KIAA1217: variants seen among roughly 807,000 people sequenced by gnomAD.
The protein encoded by KIAA1217 is KIAA1217.
In KIAA1217, 88 loss-of-function variants were observed where a neutral mutation model predicts 163.9. The ratio of observed to expected loss-of-function variants is 0.54; its 90% confidence interval spans 0.45 to 0.64. KIAA1217 has a LOEUF of 0.64. Among genes scored for constraint, KIAA1217 ranks in the 30% least tolerant of loss-of-function variants. KIAA1217 has a pLI of 0.00. For synonymous variants in KIAA1217, 903 were observed against 923.1 expected, an observed-to-expected ratio of 0.98 and a Z score of 0.39; for missense variants, 2,372 against 2,475.0, an observed-to-expected ratio of 0.96 and a Z score of 0.88.
intron 2 of KIAA1217, among the ~76,000 whole-genome samples, chr10:24,151,278 C>A (rs532205033): frequency 5.9e-5 from 9 of 151,874 alleles, no homozygotes; most frequent in Admixed American, 1.3e-4. Flanking sequence ...CTGAATTTCA[C>A]ATATTTTATC....
intron 2 of KIAA1217, among the ~76,000 whole-genome samples, chr10:24,050,982 G>T (rs1470553197): frequency 6.6e-6 from 1 of 152,028 alleles, no homozygotes; most frequent in Non-Finnish European, 1.5e-5. Context: ...GCATGGAAAA[G>T]TTCTTTAGTG....
intron 1 of KIAA1217, among the ~76,000 whole-genome samples, chr10:23,935,940 A>G (rs1468294433): frequency 6.6e-6 from 1 of 152,204 alleles, no homozygotes; most frequent in Non-Finnish European, 1.5e-5. Flanking sequence ...TGGTTTGATA[A>G]TAAAGGTCCT....
upstream of KIAA1217, among the ~76,000 whole-genome samples, chr10:24,207,282 T>TCTCTCACACACACACACA (rs529791287): frequency 2.1e-5 from 3 of 140,232 alleles, no homozygotes; most frequent in African/African-American, 8.6e-5. Context: ...TCTCTCTCTC[T>TCTCTCACACACACACACA]CACACACACA....
At chr10:24,275,075 C>CTACA (rs1281705992) in intron 2 of KIAA1217, among the ~76,000 whole-genome samples, 2 of 152,178 alleles carry the variant, frequency 1.3e-5, no homozygotes, top group Non-Finnish European at 2.9e-5. Flanking sequence ...ATATCTGGGA[C>CTACA]TACAGGCACA....
At chr10:24,248,893 C>T (rs550284302) in intron 2 of KIAA1217, among the ~76,000 whole-genome samples, 4 of 151,980 alleles carry the variant, frequency 2.6e-5, no homozygotes, top group Non-Finnish European at 5.9e-5. Flanking sequence ...TATAGCAAGA[C>T]AAGTCAAGAA....
intron 6 of KIAA1217, among the ~76,000 whole-genome samples, chr10:24,486,675 C>T (rs12767522): frequency 0.2 from 30,408 of 152,152 alleles, 3,306 homozygotes; most frequent in South Asian, 0.37. Flanking sequence ...AGACAGCACA[C>T]ATGGCCTGCT....
chr10:24,377,653 A>G (rs147007800), intron 2 of KIAA1217, among the ~76,000 whole-genome samples: 1,961 of 152,318 alleles, frequency 0.013, 54 homozygotes, highest in African/African-American at 0.045. Context: ...TTGCAAAATA[A>G]AATCAACATC....
intron 2 of KIAA1217, among the ~76,000 whole-genome samples, chr10:24,160,529 C>A (rs1024662858): frequency 6.6e-6 from 1 of 151,818 alleles, no homozygotes; most frequent in Non-Finnish European, 1.5e-5. Flanking sequence ...TGGAAAAAAA[C>A]CTTGTTACTT....
At chr10:23,953,237 A>G (rs904493017) in intron 1 of KIAA1217, among the ~76,000 whole-genome samples, 1 of 152,226 alleles carries the variant, frequency 6.6e-6, no homozygotes, top group Non-Finnish European at 1.5e-5. Context: ...CTTATGCTTC[A>G]TGAAAAAATT....
At chr10:23,911,230 T>C (rs1172201948) in intron 1 of KIAA1217, among the ~76,000 whole-genome samples, 1 of 152,144 alleles carries the variant, frequency 6.6e-6, no homozygotes, top group Non-Finnish European at 1.5e-5. Flanking sequence ...AATTCAGAGA[T>C]ATTTATTTGC....
At chr10:23,906,388 T>A (rs1842165438) in intron 1 of KIAA1217, among the ~76,000 whole-genome samples, 2 of 152,126 alleles carry the variant, frequency 1.3e-5, no homozygotes, top group Admixed American at 1.3e-4. Context: ...AATATCCAAA[T>A]GTGAAATGGA....
chr10:24,090,537 G>T (rs1446216695), intron 2 of KIAA1217, among the ~76,000 whole-genome samples: 2 of 150,924 alleles, frequency 1.3e-5, no homozygotes, highest in African/African-American at 4.9e-5. Context: ...GTGCTCCCAA[G>T]GACTCAAATC....
At chr10:24,370,077 A>C (rs1410108390) in intron 2 of KIAA1217, among the ~76,000 whole-genome samples, 1 of 152,140 alleles carries the variant, frequency 6.6e-6, no homozygotes, top group Non-Finnish European at 1.5e-5. Context: ...CATCCTGGCT[A>C]ACACGGTGAA....
intron 2 of KIAA1217, among the ~76,000 whole-genome samples, chr10:24,263,485 T>C (rs1457910309): frequency 2.0e-5 from 3 of 152,340 alleles, no homozygotes; most frequent in Admixed American, 2.0e-4. Flanking sequence ...ATGATGTCTT[T>C]AGTGTCTCAC....
chr10:24,218,590 G>A (rs534608631), intron 1 of KIAA1217, among the ~76,000 whole-genome samples: 1 of 151,726 alleles, frequency 6.6e-6, no homozygotes, highest in African/African-American at 2.4e-5. Context: ...CCAGGTTCAC[G>A]CCATTCTCCT....
intron 2 of KIAA1217, among the ~76,000 whole-genome samples, chr10:24,317,499 C>T (rs1209276288): frequency 6.6e-6 from 1 of 151,964 alleles, no homozygotes; most frequent in Non-Finnish European, 1.5e-5. Flanking sequence ...ATGGGGTTGG[C>T]AATGAGGACA....
At chr10:24,532,061 C>G in intron 15 of KIAA1217, 68 bp downstream of exon 15, 1 of 1,336,558 alleles carries the variant, frequency 7.5e-7, no homozygotes, top group Middle Eastern at 2.0e-4. Context: ...AAGGTTCTCT[C>G]TGTTGGAACA....
rs148401215 is a variant in KIAA1217 at position 23,929,790 on chromosome 10, G to C, written c.-320-77435G>C. Among the ~76,000 whole-genome samples, 726 of 152,228 alleles carry C rather than the reference G, an allele frequency of 4.8e-3. 2 individuals are homozygous for C. The highest frequency in any genetic ancestry group is 0.017 in the African/African-American group (698 of 41,542). ...TATGAATGTAGGTGTCTTTTTGGTG[G>C]AATAATTTATTTTCCTTTGGATATA... On this transcript the variant is annotated intron_variant, in intron 1 of 18. Coordinates refer to the KIAA1217 transcript ENST00000376462.
chr10:24,378,268 G>A (rs1275671802), intron 2 of KIAA1217, among the ~76,000 whole-genome samples: 3 of 152,166 alleles, frequency 2.0e-5, no homozygotes, highest in Admixed American at 2.0e-4. Flanking sequence ...AATCAGGAAA[G>A]ACATTTCCAG....
Sources: allele counts gnomAD v4.1 joint callset (sites outside exome capture counted in the v4.1 genomes callset), GRCh38; gene constraint gnomAD v4.1.1; transcripts MANE v1.5; gene names NCBI Gene and HGNC (gene_info 2026-07-23, HGNC 2026-07-21).